The following AP3B1 variants were observed in gnomAD, a reference collection of about 807,000 sequenced individuals.
AP3B1 encodes the protein adaptor related protein complex 3 subunit beta 1.
A neutral mutation model predicts 132.5 loss-of-function variants in AP3B1; 61 were observed. The ratio of observed to expected loss-of-function variants is 0.46; its 90% CI spans 0.37 to 0.57. AP3B1 has a LOEUF of 0.57. Among genes scored for constraint, AP3B1 ranks in the 20% least tolerant of loss-of-function variants. The pLI is 0.00. For synonymous variants in AP3B1, 388 were observed against 438.3 expected (o/e 0.89, Z 1.43); for missense variants, 1,120 against 1,289.4 (o/e 0.87, Z 2.01).
At chr5:78,097,982 C>G (rs896323845) in intron 21 of AP3B1, among the ~76,000 whole-genome samples, 1 of 152,158 alleles carries the variant, frequency 6.6e-6, no homozygotes, top group African/African-American at 2.4e-5. Flanking sequence ...GACCTTACCC[C>G]CCAACCCTGT....
At chr5:78,222,480 C>T (rs1303237266) in intron 6 of AP3B1, 1 of 152,144 alleles carries the variant, frequency 6.6e-6, no homozygotes, top group African/African-American at 2.4e-5. Flanking sequence ...ATCTGGTAGT[C>T]CATTCCTGCT....
At chr5:78,185,823 T>C (rs1744582099) in intron 7 of AP3B1, among the ~76,000 whole-genome samples, 1 of 152,012 alleles carries the variant, frequency 6.6e-6, no homozygotes. Context: ...TGAGCTATGA[T>C]CAAGCCACTG....
chr5:78,280,254 C>T (rs1279107042), intron 1 of AP3B1, among the ~76,000 whole-genome samples: 6 of 151,992 alleles, frequency 3.9e-5, no homozygotes, highest in Non-Finnish European at 8.8e-5. Flanking sequence ...ATAGTAAACA[C>T]TGATTCTAAT....
At chr5:78,118,643 C>T (rs1046716173) in intron 17 of AP3B1, among the ~76,000 whole-genome samples, 4 of 152,226 alleles carry the variant, frequency 2.6e-5, no homozygotes, top group Admixed American at 2.6e-4. Context: ...CCTGCCATTG[C>T]CCAGGCTTGA....
chr5:78,132,811 A>G lies in AP3B1; in HGVS notation c.1651-3504T>C, dbSNP rs373601668. ...GTAAATGTCGACAAATATTTTATGC[A>G]TGTTAAGTACTAAGTGGAAATTTAG... On this transcript the variant is annotated intron_variant, in intron 15 of 26. Transcript: ENST00000255194. Among the ~76,000 whole-genome samples the G allele has an allele frequency of 6.0e-4, 92 of 152,342 alleles. 1 individual carries two copies. The South Asian group carries it at 0.016, about 26-fold the overall frequency.
chr5:78,181,683 C>A lies in AP3B1; in HGVS notation c.787-21G>T, dbSNP rs746986868. 3.7e-6 allele frequency: 6 copies of A among 1,608,188 alleles called. No homozygotes were observed. In the African/African-American group the frequency reaches 8.0e-5, roughly 22 times the overall value. On this transcript the variant is annotated intron_variant, in intron 7 of 26. Coordinates refer to ENST00000255194, the MANE Select transcript of AP3B1 (RefSeq NM_003664.5). ...TCACCCTACAATGAAAGAAATCCAA[C>A]CCAAGATTACTTTAGACCTTGAGCA...
At chr5:78,199,392 A>G (rs1332979370) in intron 7 of AP3B1, among the ~76,000 whole-genome samples, 1 of 152,236 alleles carries the variant, frequency 6.6e-6, no homozygotes, top group African/African-American at 2.4e-5. Flanking sequence ...CTACTTATTT[A>G]AAAACTAAAT....
intron 15 of AP3B1, 42 bp from the exon 16 acceptor site, chr5:78,129,349 A>G (rs1443310728): frequency 6.9e-7 from 1 of 1,443,462 alleles, no homozygotes; most frequent in African/African-American, 1.4e-5. Flanking sequence ...ACAGTTATTT[A>G]TGATTATCGA....
At chr5:78,258,526 AAGAC>A (rs1747943409) in intron 2 of AP3B1, among the ~76,000 whole-genome samples, 3 of 152,336 alleles carry the variant, frequency 2.0e-5, no homozygotes, top group African/African-American at 4.8e-5. Flanking sequence ...ACCCAAAAGA[AAGAC>A]AGGCAACAAC....
intron 22 of AP3B1, chr5:78,042,376 A>G (rs2009753990): frequency 6.6e-6 from 1 of 152,292 alleles, no homozygotes; most frequent in South Asian, 2.1e-4. Context: ...CTTGGACTAC[A>G]GGTGTGTACC....
At chr5:78,260,363 G>A (rs1748035601) in intron 2 of AP3B1, among the ~76,000 whole-genome samples, 2 of 151,766 alleles carry the variant, frequency 1.3e-5, no homozygotes, top group Admixed American at 1.3e-4. Context: ...GAGGAGGGCA[G>A]ATCACCAGAG....
chr5:78,096,905 C>T (rs1352294987), intron 21 of AP3B1, among the ~76,000 whole-genome samples: 2 of 149,054 alleles, frequency 1.3e-5, no homozygotes, highest in African/African-American at 4.9e-5. Flanking sequence ...GCCCCCCGCC[C>T]GGCCAGCCGC....
At chr5:78,143,922 T>C (rs1282309786) in intron 14 of AP3B1, among the ~76,000 whole-genome samples, 2 of 152,016 alleles carry the variant, frequency 1.3e-5, no homozygotes, top group African/African-American at 4.8e-5. Flanking sequence ...AAAGAATCAC[T>C]TGAACTCAGG....
At chr5:78,279,918 A>G (rs1207774182) in intron 1 of AP3B1, among the ~76,000 whole-genome samples, 1 of 144,316 alleles carries the variant, frequency 6.9e-6, no homozygotes, top group African/African-American at 2.5e-5. Context: ...ATATATATAT[A>G]TATATATATA....
chr5:78,084,521 C>CAAAAA (rs568637894), intron 22 of AP3B1, among the ~76,000 whole-genome samples: 617 of 41,302 alleles, frequency 0.015, 12 homozygotes, highest in Middle Eastern at 0.048. Flanking sequence ...CAGACCCTGT[C>CAAAAA]AAAAAAAAAA....
At chr5:78,117,827 T>G (rs1046877327) in intron 17 of AP3B1, among the ~76,000 whole-genome samples, 4 of 152,212 alleles carry the variant, frequency 2.6e-5, no homozygotes, top group African/African-American at 9.6e-5. Flanking sequence ...GGCCTTGATT[T>G]GTCAAGAAGA....
chr5:78,199,411 T>A (rs1354913403), intron 7 of AP3B1, among the ~76,000 whole-genome samples: 1 of 152,206 alleles, frequency 6.6e-6, no homozygotes, highest in East Asian at 1.9e-4. Context: ...ATAATGTAGA[T>A]CCAGTGATGG....
intron 26 of AP3B1, among the ~76,000 whole-genome samples, chr5:78,011,032 T>C (rs1343041025): frequency 6.6e-6 from 1 of 151,172 alleles, no homozygotes; most frequent in East Asian, 1.9e-4. Context: ...ACCATAATTC[T>C]GTATCTCTCT....
intron 26 of AP3B1, among the ~76,000 whole-genome samples, chr5:78,012,759 A>G (rs532369666): frequency 8.5e-5 from 13 of 152,226 alleles, no homozygotes; most frequent in Non-Finnish European, 1.9e-4. Context: ...GAGGACCACG[A>G]ACATTAAGTT....
Sources: gnomAD v4.1 joint callset for allele counts (sites outside exome capture counted in the v4.1 genomes callset) on GRCh38, gnomAD v4.1.1 for gene constraint, MANE v1.5 for transcripts, NCBI Gene and HGNC (gene_info 2026-07-23, HGNC 2026-07-21) for gene names.